Variants in TBC1D28 observed in about 807,000 individuals in gnomAD.
TBC1D28 encodes TBC1 domain family member 28, also known as TBC1 domain family, member 28.
TBC1D28 carries 20 observed loss-of-function variants against 29.2 expected under a neutral mutation model. That is an observed-to-expected ratio of 0.68 (90% CI 0.48 to 0.99). TBC1D28 has a LOEUF of 0.99. Among genes scored for constraint, TBC1D28 ranks in the 50% least tolerant of loss-of-function variants. The pLI is 0.00. For missense variants in TBC1D28, 205 were observed against 243.7 expected (o/e 0.84, Z 1.06); for synonymous variants, 65 against 90.9 (o/e 0.71, Z 1.62).
intron 2 of TBC1D28, 99 bp from the exon 4 acceptor site, chr17:18,641,452 G>C (rs1458507550): frequency 1.9e-6 from 2 of 1,047,096 alleles, no homozygotes; most frequent in Non-Finnish European, 2.9e-6. Flanking sequence ...CCAGTCTGGT[G>C]AGCCCCATTC....
At chr17:18,635,911 C>T (rs1246063587) in exon 9 of TBC1D28, 26 of 995,796 alleles carry the variant, frequency 2.6e-5, no homozygotes, top group Non-Finnish European at 2.9e-5. Context: ...TGAAGTCACC[C>T]GCCAGTCTGA....
At chr17:18,636,301 C>T in exon 9 of TBC1D28, 4 of 1,437,352 alleles carry the variant, frequency 2.8e-6, no homozygotes, top group Non-Finnish European at 3.6e-6. Context: ...CCCTGCCAAG[C>T]TCCTAGGCTT....
At chr17:18,638,153 G>A (rs1205060086) in intron 7 of TBC1D28, 160 bp downstream of exon 8, 13 of 1,294,560 alleles carry the variant, frequency 1.0e-5, no homozygotes, top group East Asian at 7.1e-5. Flanking sequence ...AGAGCCCAGC[G>A]CACCTGTGGT....
chr17:18,636,305 T>A, exon 9 of TBC1D28: 1 of 1,442,118 alleles, frequency 6.9e-7, no homozygotes. Context: ...GCCAAGCTCC[T>A]AGGCTTTGGG....
exon 9 of TBC1D28, chr17:18,636,136 G>T: frequency 8.8e-7 from 1 of 1,133,338 alleles, no homozygotes; most frequent in Non-Finnish European, 1.1e-6. Context: ...TGCTCCTGTG[G>T]GGATCAGGCA....
exon 8 of TBC1D28, chr17:18,637,905 G>C: frequency 6.2e-7 from 1 of 1,613,636 alleles, no homozygotes; most frequent in Non-Finnish European, 8.5e-7. Flanking sequence ...GTTTCTGCAG[G>C]GTGTGGCTGA....
chr17:18,644,361 T>A (rs2031906606), upstream of TBC1D28: 2 of 152,150 alleles, frequency 1.3e-5, no homozygotes, highest in Non-Finnish European at 2.9e-5. Context: ...CACCTCTATG[T>A]CTTATCTCTA....
chr17:18,641,857 C>G (rs1214490998), exon 1 of TBC1D28: 1 of 176,324 alleles, frequency 5.7e-6, no homozygotes, highest in South Asian at 1.2e-4. Flanking sequence ...TCAGGAACAA[C>G]GCCAGCCAAG....
At chr17:18,636,249 A>G (rs1185703929) in exon 9 of TBC1D28, 35 of 1,340,332 alleles carry the variant, frequency 2.6e-5, no homozygotes, top group Non-Finnish European at 3.2e-5. Context: ...CACCTCAGCA[A>G]CTTGTCAAAC....
rs2031649347 is a variant in TBC1D28 at position 18,639,117 on chromosome 17, G to A, written c.198+58C>T. On this transcript the variant is annotated intron_variant, in intron 5 of 8. Coordinates refer to ENST00000345096, the Ensembl canonical transcript of TBC1D28. Reference sequence around the variant, plus strand: ...CACAGGCCACCCCCTCTGCCTTACCGATCACCCGATTCCCAGTCCCTGAAG... The same window carrying A: ...CACAGGCCACCCCCTCTGCCTTACCAATCACCCGATTCCCAGTCCCTGAAG... 1.4e-5 allele frequency: 18 copies of A among 1,308,074 alleles called. 4 individuals carry two copies. In the South Asian group the frequency reaches 1.8e-4, roughly 13 times the overall value. The allele number at this position is 1,308,074 out of a possible 1,614,324, so 81.0% of individuals were successfully genotyped here.
intron 2 of TBC1D28, 49 bp downstream of exon 3, chr17:18,641,583 C>T (rs1008398329): frequency 1.3e-5 from 8 of 596,816 alleles, no homozygotes; most frequent in Non-Finnish European, 2.4e-5. Context: ...ACACGGGGAC[C>T]TGAACAGAGA....
intron 6 of TBC1D28, 72 bp downstream of exon 7, chr17:18,638,549 G>T: frequency 2.7e-6 from 4 of 1,509,428 alleles, no homozygotes; most frequent in Admixed American, 4.0e-5. Context: ...ACCCACCCAG[G>T]CCAAAACCAT....
chr17:18,639,448 C>T (rs1165978335), intron 4 of TBC1D28, among the ~76,000 whole-genome samples: 2 of 135,934 alleles, frequency 1.5e-5, no homozygotes, highest in African/African-American at 2.9e-5. Context: ...ACACTTGAAG[C>T]CCGTGGGGTG....
At position 18,641,033 on chromosome 17, in the gene TBC1D28, G is replaced by A. The variant is rs1205641017; in HGVS notation, c.147C>T (p.Leu49=). 1.0e-4 allele frequency: 59 copies of A among 572,120 alleles called. No individual in the cohort carries two copies. In the East Asian group the frequency reaches 1.7e-3, roughly 17 times the overall value. 35.4% of individuals were successfully genotyped at this position (572,120 alleles called of 1,614,324 possible). The change falls in exon 4 of 9, where the codon CTC becomes CTT. Residue 49 remains leucine (L), a synonymous_variant. Coordinates refer to ENST00000345096, the Ensembl canonical transcript of TBC1D28. Reference sequence around the variant, plus strand: ...GACAGAGGACTTACTGCACAATCCCGAGGTTATTGGTGTATTTTCTGACAT... The same window carrying A: ...GACAGAGGACTTACTGCACAATCCCAAGGTTATTGGTGTATTTTCTGACAT...
intron 2 of TBC1D28, 93 bp from the exon 4 acceptor site, chr17:18,641,446 T>C: frequency 9.6e-7 from 1 of 1,046,360 alleles, no homozygotes; most frequent in Admixed American, 2.0e-5. Context: ...CACACTCCAG[T>C]CTGGTGAGCC....
upstream of TBC1D28, among the ~76,000 whole-genome samples, chr17:18,644,006 T>G (rs140019697): frequency 2.0e-5 from 3 of 151,996 alleles, no homozygotes; most frequent in African/African-American, 7.3e-5. Context: ...TCTAGGGCCA[T>G]AGAGACCAGG....
intron 5 of TBC1D28, 126 bp from the exon 7 acceptor site, chr17:18,638,827 C>A: frequency 8.0e-7 from 1 of 1,246,294 alleles, no homozygotes; most frequent in Non-Finnish European, 1.1e-6. Context: ...AAGGGCAGGC[C>A]CCAGGGGCTG....
chr17:18,641,669 G>A (rs2031774563), exon 2 of TBC1D28: 1 of 427,688 alleles, frequency 2.3e-6, no homozygotes, highest in African/African-American at 2.0e-5. Context: ...CTTGCTGAGG[G>A]TGAAGTCCCC....
At chr17:18,635,353 A>T (rs2031444356) in exon 9 of TBC1D28, 2 of 170,292 alleles carry the variant, frequency 1.2e-5, no homozygotes, top group African/African-American at 2.4e-5. Flanking sequence ...TCCTGCCAGG[A>T]GCCCACGGCC....
Sources: gnomAD v4.1 joint callset for allele counts (sites outside exome capture counted in the v4.1 genomes callset) on GRCh38, gnomAD v4.1.1 for gene constraint, MANE v1.5 for transcripts, NCBI Gene and HGNC (gene_info 2026-07-23, HGNC 2026-07-21) for gene names.